Variants in CDC14B observed in about 807,000 individuals in gnomAD.
CDC14B encodes the protein dual specificity protein phosphatase CDC14B.
CDC14B carries 22 observed loss-of-function variants against 64.2 expected under a neutral mutation model. That is an observed-to-expected ratio of 0.34 (90% CI 0.24 to 0.49). CDC14B has a LOEUF of 0.49. CDC14B is among the 20% of genes least tolerant of loss of function. CDC14B has a pLI of 0.99. For missense variants in CDC14B, 498 were observed against 629.9 expected, an observed-to-expected ratio of 0.79 and a Z score of 2.24; for synonymous variants, 191 against 215.8, an observed-to-expected ratio of 0.89 and a Z score of 1.01.
chr9:96,604,245 T>C (rs993778408), intron 1 of CDC14B, among the ~76,000 whole-genome samples: 1 of 152,116 alleles, frequency 6.6e-6, no homozygotes, highest in African/African-American at 2.4e-5. Flanking sequence ...TATAAAGCCT[T>C]TCATAAAAAT....
downstream of CDC14B, among the ~76,000 whole-genome samples, chr9:96,495,635 C>G (rs956200506): frequency 8.5e-5 from 13 of 152,072 alleles, no homozygotes; most frequent in South Asian, 2.1e-4. Context: ...CTGGAGCCAG[C>G]GGTGATGCTG....
chr9:96,555,919 G>A (rs1439442654), intron 4 of CDC14B, among the ~76,000 whole-genome samples: 1 of 137,716 alleles, frequency 7.3e-6, no homozygotes, highest in Admixed American at 7.9e-5. Flanking sequence ...ACTAACATAC[G>A]TTTCAAAACC....
intron 7 of CDC14B, among the ~76,000 whole-genome samples, chr9:96,536,379 T>C (rs1456337784): frequency 1.3e-5 from 2 of 152,252 alleles, no homozygotes; most frequent in Admixed American, 6.5e-5. Context: ...CTAGTGTTTT[T>C]AGCAGTTTTG....
At position 96,515,258 on chromosome 9, in the gene CDC14B, G is replaced by GA. The variant is rs1835469835; in HGVS notation, c.1344-5470dup. 6.6e-6 allele frequency among the ~76,000 whole-genome samples: 1 copy of GA among 152,154 alleles called. No individual in the cohort carries two copies. Among genetic ancestry groups the GA allele is most frequent in the African/African-American group, 2.4e-5 (1 of 41,440 alleles). ...CTGGGAAGGACATACTCAAGATACAGAAAACTAGAGGGAAATTGTATAGCC... is the reference window on the plus strand; with the variant it reads ...CTGGGAAGGACATACTCAAGATACAGAAAAACTAGAGGGAAATTGTATAGCC... On this transcript the variant is annotated intron_variant, in intron 12 of 13. Coordinates refer to ENST00000375241, the MANE Select transcript of CDC14B (RefSeq NM_033331.4). This position sits in a 1 kb window ranked among gnomAD's most constrained non-coding sequence, Gnocchi z 4.3.
intron 13 of CDC14B, among the ~76,000 whole-genome samples, chr9:96,493,661 C>A (rs2131175133): frequency 6.6e-6 from 1 of 152,228 alleles, no homozygotes; most frequent in Admixed American, 6.5e-5. Flanking sequence ...AAGACCATGT[C>A]TCTACAATAA....
At chr9:96,546,904 T>G (rs910414995) in intron 5 of CDC14B, among the ~76,000 whole-genome samples, 1 of 151,482 alleles carries the variant, frequency 6.6e-6, no homozygotes, top group Admixed American at 6.6e-5. Context: ...CTACTAAAAA[T>G]ACAAAAAATT....
chr9:96,565,515 G>A (rs376498526), intron 1 of CDC14B, 32 bp from the exon 2 acceptor site: 24 of 1,420,840 alleles, frequency 1.7e-5, no homozygotes, highest in African/African-American at 1.4e-4. Context: ...GTTCCTTCCT[G>A]GAGGTTACAA....
chr9:96,534,267 A>T (rs1306126432), intron 8 of CDC14B, 110 bp from the exon 9 acceptor site: 8 of 798,762 alleles, frequency 1.0e-5, no homozygotes, highest in African/African-American at 1.8e-5. Flanking sequence ...TTAAATACCA[A>T]TTTGATTATA....
intron 1 of CDC14B, among the ~76,000 whole-genome samples, chr9:96,587,042 G>A (rs1428955062): frequency 3.3e-5 from 5 of 152,024 alleles, no homozygotes; most frequent in African/African-American, 7.3e-5. Flanking sequence ...GCGTGTTGGC[G>A]TGTGCCTGTA....
At chr9:96,521,475 ACATTCATT>A (rs1193474316) in intron 12 of CDC14B, among the ~76,000 whole-genome samples, 1 of 152,240 alleles carries the variant, frequency 6.6e-6, no homozygotes, top group Non-Finnish European at 1.5e-5. Flanking sequence ...TGGATGCCCT[ACATTCATT>A]CACATAACAC....
chr9:96,571,553 G>C (rs1362907882), intron 1 of CDC14B, among the ~76,000 whole-genome samples: 1 of 152,122 alleles, frequency 6.6e-6, no homozygotes, highest in Admixed American at 6.5e-5. Context: ...AAAACTAGGA[G>C]AGACTTGGGG....
chr9:96,521,784 T>C (rs1198393690), intron 12 of CDC14B, among the ~76,000 whole-genome samples: 1 of 152,106 alleles, frequency 6.6e-6, no homozygotes, highest in East Asian at 1.9e-4. Context: ...TGTCCCACAA[T>C]GAAAAAGGAA....
At chr9:96,556,501 C>A (rs1237212517) in intron 4 of CDC14B, among the ~76,000 whole-genome samples, 2 of 151,874 alleles carry the variant, frequency 1.3e-5, no homozygotes, top group Non-Finnish European at 2.9e-5. Context: ...ATAGCTCCTG[C>A]ACAAAACTGG....
At chr9:96,585,974 T>G (rs984161289) in intron 1 of CDC14B, among the ~76,000 whole-genome samples, 1 of 152,192 alleles carries the variant, frequency 6.6e-6, no homozygotes, top group African/African-American at 2.4e-5. Flanking sequence ...AGAGTTTGTT[T>G]TATGATTCCA....
At chr9:96,545,769 AT>A (rs1840730113) in intron 5 of CDC14B, among the ~76,000 whole-genome samples, 1 of 149,888 alleles carries the variant, frequency 6.7e-6, no homozygotes, top group Admixed American at 6.7e-5. Flanking sequence ...ATCTGTGATG[AT>A]TTCACACGCT....
At chr9:96,570,017 A>T (rs773052310) in intron 1 of CDC14B, among the ~76,000 whole-genome samples, 8 of 152,222 alleles carry the variant, frequency 5.3e-5, no homozygotes, top group Admixed American at 1.3e-4. Flanking sequence ...CTTTTTGCCT[A>T]TACATCCCTG....
At chr9:96,570,994 T>TA (rs1844432746) in intron 1 of CDC14B, among the ~76,000 whole-genome samples, 2 of 152,180 alleles carry the variant, frequency 1.3e-5, no homozygotes, top group African/African-American at 4.8e-5. Flanking sequence ...GACCCAGAGA[T>TA]ATATGAACAC....
intron 12 of CDC14B, among the ~76,000 whole-genome samples, chr9:96,517,831 GT>G (rs893654975): frequency 3.0e-4 from 43 of 143,750 alleles, no homozygotes; most frequent in East Asian, 2.2e-3. Flanking sequence ...ACCATGCCCA[GT>G]TTTTTTTTTT....
At chr9:96,506,521 G>A (rs1834147890) in intron 13 of CDC14B, among the ~76,000 whole-genome samples, 1 of 152,204 alleles carries the variant, frequency 6.6e-6, no homozygotes, top group African/African-American at 2.4e-5. Flanking sequence ...CTTAGAGGAA[G>A]GTGGGGAAAT....
Sources: gnomAD v4.1 joint callset for allele counts (sites outside exome capture counted in the v4.1 genomes callset) on GRCh38, gnomAD v4.1.1 for gene constraint, Gnocchi (gnomAD v3.1) non-coding constraint, MANE v1.5 for transcripts, NCBI Gene and HGNC (gene_info 2026-07-23, HGNC 2026-07-21) for gene names.